The following ARB2A variants were observed in gnomAD, a reference collection of about 807,000 sequenced individuals.
ARB2A encodes ARB2 cotranscriptional regulator A, also known as cotranscriptional regulator ARB2A.
the ARB2A span, among the ~76,000 whole-genome samples, chr5:94,010,980 T>G: frequency 1.3e-5 from 2 of 152,148 alleles, no homozygotes; most frequent in Non-Finnish European, 2.9e-5. Context: ...TAACAAAATC[T>G]GTCATTTTGG....
the ARB2A span, among the ~76,000 whole-genome samples, chr5:93,927,424 T>G: frequency 1.3e-5 from 2 of 152,170 alleles, no homozygotes; most frequent in African/African-American, 4.8e-5. Context: ...CTGCTGTTTG[T>G]GGCTAAGCCT....
the ARB2A span, among the ~76,000 whole-genome samples, chr5:94,033,903 TC>T: frequency 6.6e-6 from 1 of 152,240 alleles, no homozygotes; most frequent in South Asian, 2.1e-4. Flanking sequence ...TAGATTAATG[TC>T]TTTGTCTCAA....
chr5:93,786,851 C>T, the ARB2A span, among the ~76,000 whole-genome samples: 1 of 152,058 alleles, frequency 6.6e-6, no homozygotes, highest in Non-Finnish European at 1.5e-5. Flanking sequence ...ATCAGGTTTG[C>T]TTAAGAGACA....
the ARB2A span, among the ~76,000 whole-genome samples, chr5:94,029,580 A>G: frequency 2.0e-5 from 3 of 151,336 alleles, no homozygotes; most frequent in East Asian, 5.8e-4. Context: ...ATGTGCTTCA[A>G]GTTGCATCAC....
chr5:93,855,255 G>A, the ARB2A span, among the ~76,000 whole-genome samples: 1 of 152,154 alleles, frequency 6.6e-6, no homozygotes, highest in Non-Finnish European at 1.5e-5. Flanking sequence ...TTTAAAGTCT[G>A]TTTTATCAGA....
the ARB2A span, among the ~76,000 whole-genome samples, chr5:93,992,746 A>G: frequency 6.6e-6 from 1 of 152,080 alleles, no homozygotes; most frequent in South Asian, 2.1e-4. Flanking sequence ...TAAAATATAA[A>G]ATTTTTGACA....
the ARB2A span, among the ~76,000 whole-genome samples, chr5:93,877,506 A>G: frequency 5.5e-4 from 84 of 152,274 alleles, no homozygotes; most frequent in Admixed American, 1.2e-3. Context: ...TAATGCAAAA[A>G]GCAGCACATA....
chr5:93,689,588 C>T, the ARB2A span, among the ~76,000 whole-genome samples: 1 of 152,166 alleles, frequency 6.6e-6, no homozygotes, highest in African/African-American at 2.4e-5. Context: ...TTTCTTTTAC[C>T]TTCAAATCCA....
At chr5:93,985,743 G>A in the ARB2A span, among the ~76,000 whole-genome samples, 1 of 152,298 alleles carries the variant, frequency 6.6e-6, no homozygotes, top group African/African-American at 2.4e-5. Flanking sequence ...TGCCCAGGCT[G>A]GAGTGCAGTG....
At chr5:93,888,786 T>G in the ARB2A span, among the ~76,000 whole-genome samples, 1 of 151,834 alleles carries the variant, frequency 6.6e-6, no homozygotes. Context: ...TATCATGTGT[T>G]TAAATTGTTT....
chr5:93,713,182 C>T, the ARB2A span, among the ~76,000 whole-genome samples: 3 of 152,148 alleles, frequency 2.0e-5, no homozygotes, highest in East Asian at 1.9e-4. Flanking sequence ...AAAATTCAGG[C>T]AATCAAAGCA....
the ARB2A span, among the ~76,000 whole-genome samples, chr5:94,038,232 G>A: frequency 3.3e-5 from 5 of 151,960 alleles, no homozygotes; most frequent in Admixed American, 3.3e-4. Context: ...GTTACATGCT[G>A]TTTCTACCAA....
chr5:93,789,902 T>C, the ARB2A span, among the ~76,000 whole-genome samples: 1 of 152,184 alleles, frequency 6.6e-6, no homozygotes, highest in African/African-American at 2.4e-5. Flanking sequence ...TACACACACT[T>C]CAGTAGATAA....
At chr5:93,772,083 T>C in the ARB2A span, among the ~76,000 whole-genome samples, 11 of 152,172 alleles carry the variant, frequency 7.2e-5, no homozygotes, top group Non-Finnish European at 1.3e-4. Context: ...TAGACTGGAT[T>C]AAGAAAATGT....
chr5:93,873,965 G>A, the ARB2A span, among the ~76,000 whole-genome samples: 2 of 152,168 alleles, frequency 1.3e-5, no homozygotes, highest in African/African-American at 2.4e-5. Context: ...AAGGCAAAGG[G>A]AATGTTTGCA....
At chr5:93,632,650 G>A in the ARB2A span, among the ~76,000 whole-genome samples, 5 of 152,114 alleles carry the variant, frequency 3.3e-5, no homozygotes, top group Non-Finnish European at 7.4e-5. Context: ...TGAGAAGGAT[G>A]AATTTAACCC....
chr5:93,656,186 A>G, the ARB2A span, among the ~76,000 whole-genome samples: 1 of 152,214 alleles, frequency 6.6e-6, no homozygotes. Context: ...ACATTTTCTG[A>G]GATAAGTAGT....
the ARB2A span, among the ~76,000 whole-genome samples, chr5:93,986,324 G>A: frequency 2.0e-5 from 3 of 151,726 alleles, no homozygotes; most frequent in African/African-American, 7.3e-5. Flanking sequence ...TCTGGGAGGT[G>A]GGGGGCGCCC....
At chr5:93,743,466 A>G in the ARB2A span, 1 of 865,350 alleles carries the variant, frequency 1.2e-6, no homozygotes. Flanking sequence ...TCTATAAAAA[A>G]CAGCTTGCAA....
Sources: gnomAD v4.1 joint callset for allele counts (sites outside exome capture counted in the v4.1 genomes callset) on GRCh38, gnomAD v4.1.1 for gene constraint, MANE v1.5 for transcripts, NCBI Gene and HGNC (gene_info 2026-07-23, HGNC 2026-07-21) for gene names.